MCTP1: variants seen among roughly 807,000 people sequenced by gnomAD.
The protein encoded by MCTP1 is multiple C2 and transmembrane domain-containing protein 1.
MCTP1 carries 69 observed loss-of-function variants against 120.6 expected under a neutral mutation model. The observed-to-expected ratio is 0.57, with a 90% CI of 0.47 to 0.70. The LOEUF (loss-of-function observed/expected upper bound fraction) is 0.70. MCTP1 is among the 30% of genes least tolerant of loss of function. MCTP1 has a pLI of 0.00. For missense variants in MCTP1, 1,203 were observed against 1,248.8 expected, an observed-to-expected ratio of 0.96 and a Z score of 0.55; for synonymous variants, 529 against 493.1, an observed-to-expected ratio of 1.07 and a Z score of -0.96.
intron 17 of MCTP1, 76 bp from the exon 18 acceptor site, chr5:94,799,208 C>T: frequency 7.3e-7 from 1 of 1,367,638 alleles, no homozygotes; most frequent in Non-Finnish European, 1.0e-6. Flanking sequence ...TTATACTCTA[C>T]TTCAAAAACA....
chr5:95,153,884 A>T (rs1744804358), intron 1 of MCTP1, among the ~76,000 whole-genome samples: 1 of 152,160 alleles, frequency 6.6e-6, no homozygotes, highest in African/African-American at 2.4e-5. Flanking sequence ...GAGTAATTAG[A>T]GGCCTTTGAA....
chr5:95,213,099 G>T (rs1272817758), intron 1 of MCTP1, among the ~76,000 whole-genome samples: 1 of 152,118 alleles, frequency 6.6e-6, no homozygotes, highest in Non-Finnish European at 1.5e-5. Flanking sequence ...TGACATGATT[G>T]TATATCTAGA....
intron 1 of MCTP1, among the ~76,000 whole-genome samples, chr5:95,221,067 C>T (rs562257404): frequency 2.3e-4 from 35 of 152,130 alleles, no homozygotes; most frequent in Non-Finnish European, 4.9e-4. Flanking sequence ...AAAGAGTGTC[C>T]GAAATATGCT....
intron 2 of MCTP1, among the ~76,000 whole-genome samples, chr5:94,980,224 C>T (rs1334659536): frequency 2.0e-5 from 3 of 152,120 alleles, no homozygotes; most frequent in Non-Finnish European, 4.4e-5. Flanking sequence ...TTAACAACAG[C>T]AGCAAAGCAA....
At position 95,199,921 on chromosome 5, in the gene MCTP1, G is replaced by A. The variant is rs561847832; in HGVS notation, c.720+83935C>T. On this transcript the variant is annotated intron_variant, in intron 1 of 22. Transcript: ENST00000515393. ...CATGCCTGTAACCCCAGCACTCTGG[G>A]AGGCCGAGGCAGGCGGATCACCTGA... 8.6e-5 allele frequency among the ~76,000 whole-genome samples: 13 copies of A among 151,576 alleles called. No homozygotes were observed. The South Asian group carries it at 2.5e-3, about 29-fold the overall frequency.
intron 17 of MCTP1, among the ~76,000 whole-genome samples, chr5:94,800,197 C>A (rs1780924183): frequency 6.6e-6 from 1 of 152,126 alleles, no homozygotes. Flanking sequence ...AAACCCAAAC[C>A]ATTATTGTGT....
intron 1 of MCTP1, among the ~76,000 whole-genome samples, chr5:95,077,611 T>C (rs1753900749): frequency 6.6e-6 from 1 of 152,140 alleles, no homozygotes; most frequent in African/African-American, 2.4e-5. Context: ...TAGCTGGGAC[T>C]ACAGGCGCTC....
chr5:94,902,752 C>T (rs968468336), intron 10 of MCTP1, among the ~76,000 whole-genome samples: 1 of 152,152 alleles, frequency 6.6e-6, no homozygotes, highest in Non-Finnish European at 1.5e-5. Flanking sequence ...TCTGACATCA[C>T]AAAATGCTAA....
chr5:94,737,400 T>C (rs1439860252), intron 19 of MCTP1, among the ~76,000 whole-genome samples: 2 of 152,194 alleles, frequency 1.3e-5, no homozygotes, highest in Non-Finnish European at 2.9e-5. Flanking sequence ...GAATAAAGCA[T>C]AATTTCAAAT....
intron 7 of MCTP1, among the ~76,000 whole-genome samples, chr5:94,922,950 T>C (rs1561864437): frequency 8.9e-6 from 1 of 111,908 alleles, no homozygotes; most frequent in Non-Finnish European, 1.8e-5. Flanking sequence ...ACAGTAGAAA[T>C]GAAAAGGGTA....
chr5:95,178,388 C>T (rs1055921434), intron 1 of MCTP1, among the ~76,000 whole-genome samples: 3 of 152,198 alleles, frequency 2.0e-5, no homozygotes, highest in Non-Finnish European at 4.4e-5. Flanking sequence ...CTTGCTCTGT[C>T]GCCCAGGCTA....
chr5:94,781,381 T>C (rs1408979283), intron 18 of MCTP1, among the ~76,000 whole-genome samples: 1 of 152,142 alleles, frequency 6.6e-6, no homozygotes, highest in Non-Finnish European at 1.5e-5. Flanking sequence ...AAATATTTGT[T>C]GATTGAGTGA....
intron 8 of MCTP1, among the ~76,000 whole-genome samples, chr5:94,914,208 T>G (rs2153447266): frequency 6.6e-6 from 1 of 152,362 alleles, no homozygotes; most frequent in South Asian, 2.1e-4. Context: ...TTATCAAATG[T>G]GTTTTTCCTA....
chr5:95,137,869 C>A (rs1246648767), intron 1 of MCTP1, among the ~76,000 whole-genome samples: 1 of 152,046 alleles, frequency 6.6e-6, no homozygotes, highest in Non-Finnish European at 1.5e-5. Flanking sequence ...CCCTGCCAAA[C>A]CAAACTTGAT....
At chr5:95,154,183 A>T (rs1401047592) in intron 1 of MCTP1, 1 of 152,182 alleles carries the variant, frequency 6.6e-6, no homozygotes, top group Non-Finnish European at 1.5e-5. Context: ...TGTATCACTT[A>T]TCCAGGAACA....
chr5:95,053,742 A>G (rs894633423), intron 1 of MCTP1, among the ~76,000 whole-genome samples: 8 of 151,766 alleles, frequency 5.3e-5, no homozygotes, highest in African/African-American at 1.9e-4. Context: ...TTACAACACA[A>G]TCCTTTAAAA....
chr5:94,894,725 G>T lies in MCTP1; in HGVS notation c.1763C>A (p.Ala588Asp), dbSNP rs1330965793. Residue 588 changes from alanine to aspartate, a missense_variant, in exon 11 of 23, where the codon GCC becomes GAC. Transcript: ENST00000515393. ...LVLLVTLTAS[A>D]TVSISDLSVN... is the part of the protein sequence containing the mutation. ...AGACAGGTCAGAGATGCTGACTGTG[G>T]CTGATGCTGTCAGAGTGACCAGCAG... is the stretch of plus-strand genomic sequence containing the variant. 6.2e-7 allele frequency: 1 copy of T among 1,613,852 alleles called. No individual in the cohort carries two copies.
intron 1 of MCTP1, among the ~76,000 whole-genome samples, chr5:95,210,196 T>C (rs1467733717): frequency 6.6e-6 from 1 of 152,202 alleles, no homozygotes; most frequent in Non-Finnish European, 1.5e-5. Context: ...TAGGTCCACT[T>C]GGTGCAGAGC....
At chr5:94,821,444 G>A (rs763873838) in intron 17 of MCTP1, among the ~76,000 whole-genome samples, 1 of 152,152 alleles carries the variant, frequency 6.6e-6, no homozygotes, top group Non-Finnish European at 1.5e-5. Context: ...CTTGAGCTCT[G>A]CATTTTATGT....
Sources: allele counts gnomAD v4.1 joint callset (sites outside exome capture counted in the v4.1 genomes callset), GRCh38; gene constraint gnomAD v4.1.1; transcripts MANE v1.5; gene names NCBI Gene and HGNC (gene_info 2026-07-23, HGNC 2026-07-21).